ARMC9: variants seen among roughly 807,000 people sequenced by gnomAD.
ARMC9 encodes lisH domain-containing protein ARMC9.
A neutral mutation model predicts 107.0 loss-of-function variants in ARMC9; 94 were observed. The ratio of observed to expected loss-of-function variants is 0.88; its 90% CI spans 0.74 to 1.04. The LOEUF is 1.04. ARMC9 is among the 50% of genes least tolerant of loss of function. The probability of loss-of-function intolerance (pLI) is 0.00; values close to 1 mark genes in which losing one functional copy is unlikely to be tolerated. For missense variants in ARMC9, 942 were observed against 1,030.1 expected (o/e 0.91, Z 1.17); for synonymous variants, 380 against 396.9 (o/e 0.96, Z 0.51).
intron 13 of ARMC9, 52 bp from the exon 14 acceptor site, chr2:231,272,898 GCATAC>G: frequency 1.3e-6 from 2 of 1,583,926 alleles, no homozygotes; most frequent in Non-Finnish European, 1.7e-6. Flanking sequence ...TGGTTTTGTA[GCATAC>G]CAGATAAATT....
In ARMC9 at chr2:231,358,659, T is replaced by C. The variant is rs1284330690; in HGVS notation, c.2132-2095T>C. Among the ~76,000 whole-genome samples the C allele has an allele frequency of 1.3e-5, 2 of 152,128 alleles. No homozygotes were observed. Among genetic ancestry groups the C allele is most frequent in the South Asian group, 4.1e-4 (2 of 4,824 alleles). On this transcript the variant is annotated intron_variant, in intron 22 of 24. Transcript: ENST00000611582. This position sits in a 1 kb window ranked among gnomAD's most constrained non-coding sequence, Gnocchi z 4.5. Reference sequence around the variant, plus strand: ...ACCCCCACCTTCACGCTGAGTTTCTTGAGGAAGAGCCTTTGCGCTTTGCGT... The same window carrying C: ...ACCCCCACCTTCACGCTGAGTTTCTCGAGGAAGAGCCTTTGCGCTTTGCGT...
At position 231,202,479 on chromosome 2, in the gene ARMC9, C is replaced by A. The variant is rs141976536; in HGVS notation, c.-41-3719C>A. Among the ~76,000 whole-genome samples the A allele has an allele frequency of 5.9e-3, 902 of 152,022 alleles. 9 individuals are homozygous for A. Among genetic ancestry groups the A allele is most frequent in the African/African-American group, 0.021 (872 of 41,484 alleles). On this transcript the variant is annotated intron_variant, in intron 1 of 24. Coordinates refer to ENST00000611582, the MANE Select transcript of ARMC9 (RefSeq NM_001352754.2). ...CTGGGATTACAGGCACACACCACCA[C>A]ACCCAGCTAATTTTTGTATTTCTGT... is the stretch of plus-strand genomic sequence containing the variant.
At chr2:231,204,687 T>G (rs2031693214) in intron 1 of ARMC9, among the ~76,000 whole-genome samples, 1 of 151,800 alleles carries the variant, frequency 6.6e-6, no homozygotes, top group Non-Finnish European at 1.5e-5. Context: ...TGGGCCGACC[T>G]CTTAGAAAGG....
chr2:231,309,288 C>T (rs966467535), intron 19 of ARMC9, among the ~76,000 whole-genome samples: 11 of 152,120 alleles, frequency 7.2e-5, no homozygotes, highest in African/African-American at 2.7e-4. Flanking sequence ...CATTTATAAA[C>T]CCTATTTGTC....
At chr2:231,289,191 G>A (rs1043925033) in intron 17 of ARMC9, among the ~76,000 whole-genome samples, 3 of 152,046 alleles carry the variant, frequency 2.0e-5, no homozygotes, top group Admixed American at 1.3e-4. Context: ...ATTTTGGCTG[G>A]GCACACAACT....
intron 23 of ARMC9, among the ~76,000 whole-genome samples, chr2:231,363,883 CAAAAAAA>C (rs1176736980): frequency 4.3e-4 from 7 of 16,268 alleles, no homozygotes; most frequent in African/African-American, 7.0e-4. Context: ...GACTCCGTCT[CAAAAAAA>C]AAAAAAAAAA....
At position 231,278,464 on chromosome 2, in the gene ARMC9, C is replaced by T. The variant is rs1243851185; in HGVS notation, c.1551+6C>T. ...TTGGCCATGAAAACCATGAGGTACT[C>T]ATTCAGCACTGCTGGCCCTGGGCTC... is the stretch of plus-strand genomic sequence containing the variant. On this transcript the variant is annotated splice_donor_region_variant and intron_variant, in intron 16 of 24. Coordinates refer to ENST00000611582, the MANE Select transcript of ARMC9 (RefSeq NM_001352754.2). 1.2e-6 allele frequency: 2 copies of T among 1,613,678 alleles called. No homozygotes were observed. Among genetic ancestry groups the T allele is most frequent in the South Asian group, 1.1e-5 (1 of 91,046 alleles).
chr2:231,364,454 C>T (rs56340105), intron 23 of ARMC9, among the ~76,000 whole-genome samples: 2,263 of 152,310 alleles, frequency 0.015, 44 homozygotes, highest in African/African-American at 0.038. Flanking sequence ...ATGCCTTTCC[C>T]CTCACGTTTG....
In ARMC9 at chr2:231,362,332, G is replaced by A. The variant is rs1285054109; in HGVS notation, c.2261+1449G>A. Among the ~76,000 whole-genome samples the A allele has an allele frequency of 6.6e-6, 1 of 152,156 alleles. No homozygotes were observed. The highest frequency in any genetic ancestry group is 6.6e-5 in the Admixed American group (1 of 15,266). ...CAGTCCAGACTGGATCCTCCCCTGC[G>A]GTTCAGCCAGGCCAAACCTACGCTT... On this transcript the variant is annotated intron_variant, in intron 23 of 24. Coordinates refer to ENST00000611582, the MANE Select transcript of ARMC9 (RefSeq NM_001352754.2). This position sits in a 1 kb window ranked among gnomAD's most constrained non-coding sequence, Gnocchi z 4.7.
chr2:231,239,343 G>A (rs541043838), intron 8 of ARMC9, among the ~76,000 whole-genome samples: 20 of 152,322 alleles, frequency 1.3e-4, no homozygotes, highest in Admixed American at 1.0e-3. Context: ...ATCCAGCAGC[G>A]TTGATGGCGA....
chr2:231,354,046 T>C (rs955961076), intron 21 of ARMC9, among the ~76,000 whole-genome samples: 3 of 151,658 alleles, frequency 2.0e-5, no homozygotes, highest in African/African-American at 7.3e-5. Context: ...TTTTTTCCCC[T>C]CTTCACCTTG....
At chr2:231,222,859 A>G (rs1167724121) in intron 6 of ARMC9, 39 bp downstream of exon 6, 5 of 1,379,326 alleles carry the variant, frequency 3.6e-6, no homozygotes, top group Non-Finnish European at 5.1e-6. Flanking sequence ...CTATGGTTTT[A>G]GAGCAGATTT....
intron 22 of ARMC9, among the ~76,000 whole-genome samples, chr2:231,357,633 G>T (rs2045397821): frequency 6.6e-6 from 1 of 152,130 alleles, no homozygotes. Flanking sequence ...AGGCTGGAGT[G>T]CAGTGGCCAG....
At chr2:231,268,774 A>G (rs1210281207) in intron 12 of ARMC9, among the ~76,000 whole-genome samples, 1 of 152,138 alleles carries the variant, frequency 6.6e-6, no homozygotes, top group Non-Finnish European at 1.5e-5. Flanking sequence ...ACAGAAATCC[A>G]AAGCCAGCTG....
Position 231,369,859 on chromosome 2 carries a change from G to T in ARMC9, c.2262-94G>T, listed in dbSNP as rs568783956. 19 of 1,282,244 alleles carry T rather than the reference G, an allele frequency of 1.5e-5. No homozygotes were observed. In the South Asian group the frequency reaches 4.1e-4, roughly 27 times the overall value. The allele number at this position is 1,282,244 out of a possible 1,614,324, so 79.4% of individuals were successfully genotyped here. A position where few individuals can be genotyped will look rare whatever the true frequency, so the allele number is the denominator to read the frequency against. ...TTTGTCCGCCTTGGCCTCTCAGAGTGCTGGGATTATAGGCGGGAGCCACCA... is the reference window on the plus strand; with the variant it reads ...TTTGTCCGCCTTGGCCTCTCAGAGTTCTGGGATTATAGGCGGGAGCCACCA... On this transcript the variant is annotated intron_variant, in intron 23 of 24. Transcript: ENST00000611582.
At chr2:231,208,091 G>GT in intron 2 of ARMC9, 36 bp from the exon 3 acceptor site, 1 of 869,490 alleles carries the variant, frequency 1.2e-6, no homozygotes, top group Non-Finnish European at 1.8e-6. Flanking sequence ...TTATTTGTTT[G>GT]TTTTGCTGTT....
At chr2:231,217,077 A>G (rs2033591132) in intron 5 of ARMC9, among the ~76,000 whole-genome samples, 1 of 152,188 alleles carries the variant, frequency 6.6e-6, no homozygotes, top group African/African-American at 2.4e-5. Flanking sequence ...ACTAGGAACA[A>G]CCCAATTGTA....
At chr2:231,306,619 G>C (rs570000620) in intron 19 of ARMC9, among the ~76,000 whole-genome samples, 1 of 152,310 alleles carries the variant, frequency 6.6e-6, no homozygotes, top group South Asian at 2.1e-4. Flanking sequence ...CCGGGGCATG[G>C]AACTTGTATA....
chr2:231,300,815 A>ACCTTCACACACTTCT (rs2041674870), intron 19 of ARMC9, among the ~76,000 whole-genome samples: 1 of 152,236 alleles, frequency 6.6e-6, no homozygotes, highest in Non-Finnish European at 1.5e-5. Flanking sequence ...TGATAGACAC[A>ACCTTCACACACTTCT]GGAAGTGCCA....
Sources: gnomAD v4.1 joint callset for allele counts (sites outside exome capture counted in the v4.1 genomes callset) on GRCh38, gnomAD v4.1.1 for gene constraint, Gnocchi (gnomAD v3.1) non-coding constraint, MANE v1.5 for transcripts, NCBI Gene and HGNC (gene_info 2026-07-23, HGNC 2026-07-21) for gene names.